LTBP1: variants seen among roughly 807,000 people sequenced by gnomAD.
LTBP1 encodes latent transforming growth factor beta binding protein 1, also known as latent-transforming growth factor beta-binding protein 1.
A neutral mutation model predicts 207.6 loss-of-function variants in LTBP1; 129 were observed. The observed-to-expected ratio is 0.62, with a 90% CI of 0.54 to 0.72. The LOEUF is 0.72. Among genes scored for constraint, LTBP1 ranks in the 30% least tolerant of loss-of-function variants. The pLI, the probability that LTBP1 is intolerant of heterozygous loss-of-function variation, is 0.00. For missense variants in LTBP1, 2,281 were observed against 2,217.2 expected, an observed-to-expected ratio of 1.03 and a Z score of -0.58; for synonymous variants, 963 against 833.7, an observed-to-expected ratio of 1.16 and a Z score of -2.67.
intron 23 of LTBP1, 124 bp downstream of exon 23, chr2:33,309,680 A>G: frequency 3.5e-6 from 4 of 1,143,790 alleles, no homozygotes; most frequent in Non-Finnish European, 4.9e-6. Context: ...TCAATTTTTG[A>G]TATTAAAATA....
chr2:33,221,108 T>C (rs1369542437), intron 8 of LTBP1, among the ~76,000 whole-genome samples: 1 of 152,226 alleles, frequency 6.6e-6, no homozygotes, highest in Non-Finnish European at 1.5e-5. Flanking sequence ...TTGTTTTCTG[T>C]TGCACAGTAG....
intron 31 of LTBP1, among the ~76,000 whole-genome samples, chr2:33,378,221 G>GTGTGTGAT (rs143728872): frequency 7.1e-6 from 1 of 140,206 alleles, no homozygotes; most frequent in African/African-American, 2.8e-5. Context: ...GTGTGTGTGT[G>GTGTGTGAT]TTTTGTTTGT....
chr2:33,398,883 ATAG>A lies in LTBP1; in HGVS notation c.*340_*342del, dbSNP rs770533619. On this transcript the variant is annotated 3_prime_UTR_variant, in exon 34 of 34. Transcript: ENST00000404816. ...TTGCTTGATTAAATTTGGCATTTAA[ATAG>A]TGGTGGAAATATTTTATATAATTTT... 1.8e-5 allele frequency: 3 copies of A among 166,002 alleles called. No homozygotes were observed. Among genetic ancestry groups the A allele is most frequent in the Non-Finnish European group, 3.9e-5 (3 of 77,226 alleles). The allele number at this position is 166,002 out of a possible 1,614,324, so 10.3% of individuals were successfully genotyped here. A position where few individuals can be genotyped will look rare whatever the true frequency, so the allele number is the denominator to read the frequency against.
chr2:33,022,253 C>T (rs2075208047), intron 3 of LTBP1, among the ~76,000 whole-genome samples: 1 of 146,616 alleles, frequency 6.8e-6, no homozygotes, highest in African/African-American at 2.5e-5. Context: ...CTCCTATTCC[C>T]TCCTCAATCC....
At chr2:33,284,665 G>A (rs2093628110) in intron 19 of LTBP1, among the ~76,000 whole-genome samples, 1 of 152,140 alleles carries the variant, frequency 6.6e-6, no homozygotes, top group South Asian at 2.1e-4. Flanking sequence ...GATCTGGCCT[G>A]ATTGAAACCC....
intron 33 of LTBP1, among the ~76,000 whole-genome samples, chr2:33,398,075 T>A (rs189228040): frequency 6.6e-6 from 1 of 152,282 alleles, no homozygotes; most frequent in East Asian, 1.9e-4. Flanking sequence ...GGGAAGGAAT[T>A]TGGAAGTAAT....
At position 33,363,407 on chromosome 2, in the gene LTBP1, C is replaced by T. The variant is rs1358004590; in HGVS notation, c.4288C>T (p.Leu1430Phe). The change falls in exon 29 of 34, where the codon CTT becomes TTT. Residue 1430 changes from leucine (L) to phenylalanine (F), a missense_variant. Coordinates refer to ENST00000404816, the MANE Select transcript of LTBP1 (RefSeq NM_206943.4). ...CCCCGTAGATGCAGATGAATGCCTA[C>T]TTTTTGGACAAGAAATCTGCAAAAA... ...ENYKDADECL[L>F]FGQEICKNGF... is the part of the protein sequence containing the mutation. 1 of 1,613,572 alleles carries T rather than the reference C, an allele frequency of 6.2e-7. No individual in the cohort carries two copies. Among genetic ancestry groups the T allele is most frequent in the Non-Finnish European group, 8.5e-7 (1 of 1,179,722 alleles).
intron 25 of LTBP1, among the ~76,000 whole-genome samples, chr2:33,343,781 A>G (rs2094663897): frequency 6.6e-6 from 1 of 152,218 alleles, no homozygotes; most frequent in Non-Finnish European, 1.5e-5. Flanking sequence ...ATATGGTCCA[A>G]CAAATGCTCA....
chr2:32,947,644 A>C lies in LTBP1; in HGVS notation c.320A>C (p.Glu107Ala). 7.2e-7 allele frequency: 1 copy of C among 1,389,250 alleles called. No homozygotes were observed. The highest frequency in any genetic ancestry group is 9.3e-7 in the Non-Finnish European group (1 of 1,070,262). The allele number at this position is 1,389,250 out of a possible 1,614,324, so 86.1% of individuals were successfully genotyped here. The change falls in exon 1 of 34, where the codon GAG (glutamate) becomes GCG (alanine). Residue 107 changes from glutamate to alanine, a missense_variant. Physicochemically the swap from Glu to Ala is moderately radical, Grantham distance 107. Transcript: ENST00000404816. Reference sequence around the variant, plus strand: ...AGACCGCCGCCGCCGCCGCCGCCGGAGCCTGCGCGTCCCGCGGTCCCCGGC... The same window carrying C: ...AGACCGCCGCCGCCGCCGCCGCCGGCGCCTGCGCGTCCCGCGGTCCCCGGC... ...GLRPPPPPPP[E>A]PARPAVPGGQ...
chr2:33,288,167 C>T (rs1170881376), intron 19 of LTBP1, among the ~76,000 whole-genome samples: 1 of 151,962 alleles, frequency 6.6e-6, no homozygotes, highest in East Asian at 1.9e-4. Context: ...TGTTGACATA[C>T]TCATCTCATT....
chr2:33,224,377 T>C (rs942649472), intron 9 of LTBP1, among the ~76,000 whole-genome samples: 1 of 152,232 alleles, frequency 6.6e-6, no homozygotes, highest in Admixed American at 6.5e-5. Context: ...ATGCTCCTAA[T>C]TTCTCTTAAT....
intron 2 of LTBP1, among the ~76,000 whole-genome samples, chr2:32,965,110 A>G (rs949373673): frequency 1.3e-5 from 2 of 152,206 alleles, no homozygotes; most frequent in Non-Finnish European, 1.5e-5. Flanking sequence ...ACCATAGAAT[A>G]ATGAAGACAA....
chr2:33,081,404 A>T (rs2078389996), intron 3 of LTBP1, among the ~76,000 whole-genome samples: 1 of 152,052 alleles, frequency 6.6e-6, no homozygotes, highest in Non-Finnish European at 1.5e-5. Context: ...GACACACACG[A>T]GCATACACAC....
In LTBP1 at chr2:33,265,767, G is replaced by A. The variant is rs1410657557; in HGVS notation, c.2617+2375G>A. On this transcript the variant is annotated intron_variant, in intron 15 of 33. Transcript: ENST00000404816. The stretch of plus-strand genomic sequence containing the variant: ...TTTTATTTTCCATATTTTCTAAACT[G>A]AACAGTTATTTTTAGAGTCAGCAAA... 2.5e-4 allele frequency among the ~76,000 whole-genome samples: 38 copies of A among 151,948 alleles called. 1 individual carries two copies. Among genetic ancestry groups the A allele is most frequent in the Admixed American group, 2.2e-3 (34 of 15,256 alleles).
intron 5 of LTBP1, among the ~76,000 whole-genome samples, chr2:33,185,783 G>A (rs1360909760): frequency 2.0e-5 from 3 of 152,140 alleles, no homozygotes; most frequent in African/African-American, 7.2e-5. Flanking sequence ...ACATAAACCG[G>A]CCCAAGATAG....
intron 12 of LTBP1, among the ~76,000 whole-genome samples, chr2:33,258,035 G>C (rs2092910644): frequency 6.6e-6 from 1 of 152,212 alleles, no homozygotes; most frequent in Non-Finnish European, 1.5e-5. Flanking sequence ...GACCTAGAGA[G>C]GGGACATGAC....
chr2:33,061,575 T>C (rs2077273011), intron 3 of LTBP1, among the ~76,000 whole-genome samples: 1 of 152,186 alleles, frequency 6.6e-6, no homozygotes, highest in South Asian at 2.1e-4. Flanking sequence ...TACCCTTTTG[T>C]AGAAGGCTTT....
At chr2:33,187,189 G>C in intron 6 of LTBP1, 109 bp downstream of exon 6, 2 of 874,810 alleles carry the variant, frequency 2.3e-6, no homozygotes, top group Non-Finnish European at 3.5e-6. Context: ...ACAGAAAGGA[G>C]TACATGATTT....
At chr2:33,328,898 A>G (rs1248286456) in intron 24 of LTBP1, among the ~76,000 whole-genome samples, 2 of 152,156 alleles carry the variant, frequency 1.3e-5, no homozygotes, top group African/African-American at 4.8e-5. Flanking sequence ...ATTTCATTGT[A>G]TACTACATTA....
Sources: allele counts gnomAD v4.1 joint callset (sites outside exome capture counted in the v4.1 genomes callset), GRCh38; gene constraint gnomAD v4.1.1; transcripts MANE v1.5; gene names NCBI Gene and HGNC (gene_info 2026-07-23, HGNC 2026-07-21).